JMJD1C: variants seen among roughly 807,000 people sequenced by gnomAD.
JMJD1C encodes the protein jumonji domain-containing protein 1C.
JMJD1C carries 31 observed loss-of-function variants against 245.3 expected under a neutral mutation model. The observed-to-expected ratio is 0.13, with a 90% CI of 0.09 to 0.17. JMJD1C has a LOEUF of 0.17. Ranked by LOEUF, JMJD1C falls within the 10% of genes least tolerant of loss-of-function variation. The pLI, the probability that JMJD1C is intolerant of heterozygous loss-of-function variation, is 1.00. For synonymous variants in JMJD1C, 1,057 were observed against 1,017.4 expected (o/e 1.04, Z -0.74); for missense variants, 2,691 against 3,000.2 (o/e 0.90, Z 2.41).
At chr10:63,440,321 G>A (rs1951295335) in intron 1 of JMJD1C, among the ~76,000 whole-genome samples, 1 of 142,844 alleles carries the variant, frequency 7.0e-6, no homozygotes, top group Admixed American at 7.1e-5. Flanking sequence ...GGTGACAAGA[G>A]CAACACTCTG....
At chr10:63,342,397 T>C (rs917299172) in intron 2 of JMJD1C, among the ~76,000 whole-genome samples, 3 of 152,170 alleles carry the variant, frequency 2.0e-5, no homozygotes, top group South Asian at 2.1e-4. Context: ...ACAAAAACCA[T>C]TGTTAATGAG....
chr10:63,435,441 A>T (rs929566159), intron 1 of JMJD1C, among the ~76,000 whole-genome samples: 4 of 152,218 alleles, frequency 2.6e-5, no homozygotes, highest in Admixed American at 1.3e-4. Context: ...AGATTATAGT[A>T]AACACAGATT....
intron 21 of JMJD1C, among the ~76,000 whole-genome samples, chr10:63,184,239 ATT>A (rs34600901): frequency 1.9e-3 from 244 of 131,346 alleles, no homozygotes; most frequent in Middle Eastern, 4.2e-3. Context: ...TTGAACAGAA[ATT>A]TTTTTTTTTT....
chr10:63,290,050 A>G (rs1858458595), intron 2 of JMJD1C, among the ~76,000 whole-genome samples: 1 of 152,150 alleles, frequency 6.6e-6, no homozygotes. Flanking sequence ...AAACAGGACA[A>G]TTCTTTGAAA....
At chr10:63,469,489 CCTT>C (rs1953421815), upstream of JMJD1C, among the ~76,000 whole-genome samples, 1 of 152,094 alleles carries the variant, frequency 6.6e-6, no homozygotes, top group Admixed American at 6.6e-5. Context: ...GTTGTTTCAT[CCTT>C]ATTTACAGTT....
At chr10:63,408,232 T>G (rs888269766) in intron 1 of JMJD1C, among the ~76,000 whole-genome samples, 2 of 151,882 alleles carry the variant, frequency 1.3e-5, no homozygotes, top group Non-Finnish European at 2.9e-5. Flanking sequence ...TGAAACCCCC[T>G]CTCTACTAAA....
In JMJD1C at chr10:63,477,591, T is replaced by C. The variant is rs555947283; in HGVS notation, n.113+44147A>G. 4.6e-4 allele frequency among the ~76,000 whole-genome samples: 69 copies of C among 150,874 alleles called. 1 individual carries two copies. The highest frequency in any genetic ancestry group is 4.5e-3 in the Admixed American group (69 of 15,174). On this transcript the variant is annotated intron_variant and non_coding_transcript_variant, in intron 1 of 3. Coordinates refer to the JMJD1C transcript ENST00000633035. ...AAAAACAACGAACCTTGACCCATAC[T>C]TTGCAGCATATACTGAAACTAACTT...
At chr10:63,193,658 GTTTT>G (rs200409392) in intron 14 of JMJD1C, 186 bp from the exon 15 acceptor site, 1 of 442,666 alleles carries the variant, frequency 2.3e-6, no homozygotes, top group Admixed American at 4.1e-5. Context: ...CCAAATTTAT[GTTTT>G]TTTTGTTTTT....
intron 20 of JMJD1C, 31 bp downstream of exon 20, chr10:63,185,532 A>G: frequency 2.3e-6 from 3 of 1,280,968 alleles, no homozygotes; most frequent in Non-Finnish European, 3.4e-6. Context: ...CGATCTCAAA[A>G]AGTCAAGAGT....
intron 2 of JMJD1C, among the ~76,000 whole-genome samples, chr10:63,361,349 G>A (rs951531224): frequency 6.6e-6 from 1 of 152,186 alleles, no homozygotes; most frequent in African/African-American, 2.4e-5. Flanking sequence ...TTTGAACCCA[G>A]GAGGCGGAGG....
At chr10:63,286,836 T>C (rs894435644) in intron 2 of JMJD1C, among the ~76,000 whole-genome samples, 1 of 152,042 alleles carries the variant, frequency 6.6e-6, no homozygotes, top group African/African-American at 2.4e-5. Flanking sequence ...AGAACGTAAG[T>C]AAAAATAGTA....
intron 1 of JMJD1C, among the ~76,000 whole-genome samples, chr10:63,504,304 C>CA (rs771844537): frequency 1.6e-4 from 24 of 152,150 alleles, no homozygotes; most frequent in Non-Finnish European, 3.1e-4. Flanking sequence ...AAAACAACAA[C>CA]AGCAGCCAGT....
intron 1 of JMJD1C, among the ~76,000 whole-genome samples, chr10:63,414,453 A>C (rs76812604): frequency 3.3e-5 from 5 of 152,162 alleles, no homozygotes; most frequent in Non-Finnish European, 5.9e-5. Flanking sequence ...CAGAATCACC[A>C]TAAGGCCAGA....
intron 1 of JMJD1C, among the ~76,000 whole-genome samples, chr10:63,393,060 A>G (rs189959483): frequency 6.6e-6 from 1 of 152,236 alleles, no homozygotes; most frequent in East Asian, 1.9e-4. Context: ...TGCGCCCAGG[A>G]GTTTGAGGCC....
intron 1 of JMJD1C, among the ~76,000 whole-genome samples, chr10:63,492,306 T>C (rs1036068070): frequency 3.3e-5 from 5 of 152,228 alleles, no homozygotes; most frequent in South Asian, 2.1e-4. Flanking sequence ...CCTTCTGATA[T>C]GAACAAAGTT....
chr10:63,435,519 T>C (rs939353414), intron 1 of JMJD1C, among the ~76,000 whole-genome samples: 2 of 152,074 alleles, frequency 1.3e-5, no homozygotes, highest in Non-Finnish European at 2.9e-5. Flanking sequence ...TTTCTGAGGA[T>C]TAATATGTAT....
At chr10:63,284,592 T>C (rs1187620731) in intron 2 of JMJD1C, among the ~76,000 whole-genome samples, 1 of 152,160 alleles carries the variant, frequency 6.6e-6, no homozygotes, top group African/African-American at 2.4e-5. Flanking sequence ...CAGTCTGATA[T>C]AAACAAGAGT....
intron 3 of JMJD1C, among the ~76,000 whole-genome samples, chr10:63,238,182 A>G (rs1400148364): frequency 1.7e-5 from 2 of 120,286 alleles, no homozygotes; most frequent in East Asian, 4.4e-4. Context: ...CTCCATCTCA[A>G]AAAAAAAAAA....
At chr10:63,215,766 T>C (rs1847905264) in intron 5 of JMJD1C, 70 bp from the exon 6 acceptor site, 4 of 1,085,748 alleles carry the variant, frequency 3.7e-6, no homozygotes, top group Non-Finnish European at 5.1e-6. Flanking sequence ...GTATAATTTC[T>C]TTACTCAGTA....
Sources: gnomAD v4.1 joint callset for allele counts (sites outside exome capture counted in the v4.1 genomes callset) on GRCh38, gnomAD v4.1.1 for gene constraint, MANE v1.5 for transcripts, NCBI Gene and HGNC (gene_info 2026-07-23, HGNC 2026-07-21) for gene names.